The following SERPINB7 variants were observed in gnomAD, a reference collection of about 807,000 sequenced individuals.
The protein encoded by SERPINB7 is serpin family B member 7.
Under a neutral mutation model 37.4 loss-of-function variants are expected in SERPINB7, and 31 were observed. That is an observed-to-expected ratio of 0.83 (90% CI 0.62 to 1.12). The LOEUF (loss-of-function observed/expected upper bound fraction) is 1.12, where lower values mean the gene tolerates loss of function less well. SERPINB7 is among the 50% of genes most tolerant of loss of function. The pLI, the probability that SERPINB7 is intolerant of heterozygous loss-of-function variation, is 0.00. For synonymous variants in SERPINB7, 163 were observed against 166.1 expected, an observed-to-expected ratio of 0.98 and a Z score of 0.14; for missense variants, 521 against 455.3, an observed-to-expected ratio of 1.14 and a Z score of -1.31.
upstream of SERPINB7, among the ~76,000 whole-genome samples, chr18:63,773,609 T>C (rs1048345821): frequency 3.9e-5 from 6 of 152,148 alleles, no homozygotes; most frequent in Admixed American, 2.6e-4. Context: ...CAGCCCTGGG[T>C]AAGTGAGGAC....
intron 5 of SERPINB7, among the ~76,000 whole-genome samples, chr18:63,797,995 T>G (rs992945632): frequency 6.6e-6 from 1 of 152,230 alleles, no homozygotes; most frequent in African/African-American, 2.4e-5. Flanking sequence ...CTTTAATCTG[T>G]GCTCCCACAG....
At chr18:63,791,034 A>C (rs559669431) in intron 2 of SERPINB7, among the ~76,000 whole-genome samples, 1 of 151,684 alleles carries the variant, frequency 6.6e-6, no homozygotes, top group Non-Finnish European at 1.5e-5. Context: ...AAACTAACAC[A>C]GGAACAGAAA....
At chr18:63,755,209 T>C (rs879592842) in intron 1 of SERPINB7, among the ~76,000 whole-genome samples, 74 of 151,168 alleles carry the variant, frequency 4.9e-4, no homozygotes, top group African/African-American at 1.6e-3. Context: ...CGGCCTAAAC[T>C]GAGGTCTTAA....
At position 63,782,407 on chromosome 18, in the gene SERPINB7, G is replaced by T. The variant is rs201532610; in HGVS notation, c.35G>T (p.Cys12Phe). ...ASLAAANAEF[C>F]FNLFREMDDN... ...CTTGCTGCAGCAAATGCAGAGTTTT[G>T]CTTCAACCTGTTCAGAGAGATGGAT... The change falls in exon 2 of 8, where the codon TGC becomes TTC. Residue 12 changes from cysteine to phenylalanine, a missense_variant. Transcript: ENST00000398019. 3.7e-6 allele frequency: 6 copies of T among 1,613,782 alleles called. No individual in the cohort carries two copies. In the African/African-American group the frequency reaches 6.7e-5, roughly 18 times the overall value.
At chr18:63,774,235 A>T (rs1404433711), upstream of SERPINB7, among the ~76,000 whole-genome samples, 1 of 152,040 alleles carries the variant, frequency 6.6e-6, no homozygotes, top group African/African-American at 2.4e-5. Context: ...AGCAATAACT[A>T]CTTTATTCGA....
chr18:63,756,395 T>C (rs1335712457), intron 1 of SERPINB7, among the ~76,000 whole-genome samples: 2 of 152,174 alleles, frequency 1.3e-5, no homozygotes, highest in Non-Finnish European at 2.9e-5. Flanking sequence ...GAGTAACTTG[T>C]CTTTCTGTCC....
At chr18:63,756,633 CTTCATGCTCGGCAT>C (rs1404475564) in intron 1 of SERPINB7, among the ~76,000 whole-genome samples, 1 of 152,178 alleles carries the variant, frequency 6.6e-6, no homozygotes, top group Non-Finnish European at 1.5e-5. Flanking sequence ...AGGTTCCCAC[CTTCATGCTCGGCAT>C]TATTTGAGGA....
intron 2 of SERPINB7, among the ~76,000 whole-genome samples, chr18:63,788,421 C>T (rs2049394688): frequency 1.3e-5 from 2 of 152,074 alleles, no homozygotes; most frequent in South Asian, 4.1e-4. Context: ...TATAATTGTA[C>T]TGTTGTATGA....
upstream of SERPINB7, chr18:63,775,413 TA>T (rs1244441849): frequency 6.6e-6 from 1 of 152,198 alleles, no homozygotes; most frequent in Non-Finnish European, 1.5e-5. Context: ...AAGCCAGGTC[TA>T]CTCATCAATA....
At chr18:63,773,606 G>A (rs183511494), upstream of SERPINB7, among the ~76,000 whole-genome samples, 8 of 152,172 alleles carry the variant, frequency 5.3e-5, no homozygotes, top group Admixed American at 5.2e-4. Context: ...CTTCAGCCCT[G>A]GGTAAGTGAG....
intron 1 of SERPINB7, among the ~76,000 whole-genome samples, chr18:63,757,007 A>G (rs1473978111): frequency 6.6e-6 from 1 of 152,172 alleles, no homozygotes; most frequent in Non-Finnish European, 1.5e-5. Context: ...AGTTAGTAGT[A>G]CATGAATGTC....
At chr18:63,770,594 A>G (rs192117837), upstream of SERPINB7, among the ~76,000 whole-genome samples, 1 of 152,094 alleles carries the variant, frequency 6.6e-6, no homozygotes, top group Admixed American at 6.5e-5. Flanking sequence ...TGTCCATGTG[A>G]AGGAACATGT....
At chr18:63,790,616 C>T (rs1340444662) in intron 2 of SERPINB7, among the ~76,000 whole-genome samples, 6 of 152,078 alleles carry the variant, frequency 3.9e-5, no homozygotes, top group African/African-American at 9.6e-5. Context: ...GGGATAATAT[C>T]GAATATTAGA....
At chr18:63,776,663 C>T (rs918005354) in intron 1 of SERPINB7, among the ~76,000 whole-genome samples, 2 of 149,814 alleles carry the variant, frequency 1.3e-5, no homozygotes, top group African/African-American at 4.9e-5. Context: ...CTGTGAGAAG[C>T]TCTGGTAGAC....
rs554893131 is a variant in SERPINB7, at chr18:63,782,140, G to A, written c.-18-215G>A. ...GGCCACTCACAGGCCACTGAGGACA[G>A]AAATGTCCACCAACGAGAAGAGATA... On this transcript the variant is annotated intron_variant, in intron 1 of 7. Coordinates refer to ENST00000398019, the MANE Select transcript of SERPINB7 (RefSeq NM_003784.4). 2.0e-3 allele frequency among the ~76,000 whole-genome samples: 312 copies of A among 152,254 alleles called. 1 individual carries two copies. Among genetic ancestry groups the A allele is most frequent in the African/African-American group, 7.2e-3 (300 of 41,552 alleles).
intron 7 of SERPINB7, among the ~76,000 whole-genome samples, chr18:63,801,394 AGC>A (rs1397329348): frequency 6.6e-6 from 1 of 152,184 alleles, no homozygotes; most frequent in Non-Finnish European, 1.5e-5. Context: ...TAGAGTCCTG[AGC>A]CTTTTAGAAT....
rs2049515241 is a variant in SERPINB7, at chr18:63,798,687, A to G, written c.538A>G (p.Lys180Glu). The G allele has an allele frequency of 1.2e-6, 2 of 1,613,366 alleles. No individual in the cohort carries two copies. Among genetic ancestry groups the G allele is most frequent in the Non-Finnish European group, 1.7e-6 (2 of 1,179,670 alleles). Residue 180 changes from lysine to glutamate, a missense_variant, in exon 6 of 8, where the codon AAG becomes GAG. Coordinates refer to ENST00000398019, the MANE Select transcript of SERPINB7 (RefSeq NM_003784.4). ...VLVNAVYFKG[K>E]WQSAFTKSET... ...GGTGAATGCTGTGTACTTCAAAGGC[A>G]AGTGGCAATCAGCCTTCACCAAGAG... is the stretch of plus-strand genomic sequence containing the variant.
chr18:63,754,986 G>C (rs1168563478), intron 1 of SERPINB7, among the ~76,000 whole-genome samples: 1 of 134,250 alleles, frequency 7.4e-6, no homozygotes, highest in African/African-American at 2.8e-5. Context: ...TGCAAGCTCC[G>C]CTTCCCGGGT....
intron 2 of SERPINB7, among the ~76,000 whole-genome samples, chr18:63,788,884 T>C (rs146972139): frequency 1.3e-5 from 2 of 152,326 alleles, no homozygotes; most frequent in African/African-American, 4.8e-5. Flanking sequence ...GTAGCCAAGT[T>C]GTATAGTAGG....
Sources: allele counts gnomAD v4.1 joint callset (sites outside exome capture counted in the v4.1 genomes callset), GRCh38; gene constraint gnomAD v4.1.1; transcripts MANE v1.5; gene names NCBI Gene and HGNC (gene_info 2026-07-23, HGNC 2026-07-21).